POU2F1: variants seen among roughly 807,000 people sequenced by gnomAD.
The protein encoded by POU2F1 is POU domain, class 2, transcription factor 1.
Under a neutral mutation model 84.9 loss-of-function variants are expected in POU2F1, and 16 were observed. That is an observed-to-expected ratio of 0.19 (90% CI 0.13 to 0.29). The LOEUF (loss-of-function observed/expected upper bound fraction) is 0.29, where lower values mean the gene tolerates loss of function less well. Among genes scored for constraint, POU2F1 ranks in the 10% least tolerant of loss-of-function variants. The pLI, the probability that POU2F1 is intolerant of heterozygous loss-of-function variation, is 1.00. For missense variants in POU2F1, 738 were observed against 942.6 expected (o/e 0.78, Z 2.84); for synonymous variants, 368 against 368.3 (o/e 1.00, Z 0.01).
intron 1 of POU2F1, among the ~76,000 whole-genome samples, chr1:167,255,656 A>G (rs1029500948): frequency 6.6e-6 from 1 of 152,294 alleles, no homozygotes; most frequent in South Asian, 2.1e-4. Context: ...AATCCATACA[A>G]GAGCAATTCA....
chr1:167,405,991 GAA>G (rs1184392576), intron 13 of POU2F1, among the ~76,000 whole-genome samples: 1 of 151,946 alleles, frequency 6.6e-6, no homozygotes, highest in Non-Finnish European at 1.5e-5. Flanking sequence ...CATCAAAGAA[GAA>G]ATAACATTTC....
In POU2F1 at chr1:167,396,278, G is replaced by C. The variant is rs1406418905; in HGVS notation, c.988-8G>C. On this transcript the variant is annotated splice_region_variant and splice_polypyrimidine_tract_variant and intron_variant, in intron 9 of 15. Transcript: ENST00000367866. Reference sequence around the variant, plus strand: ...CTCTCCTCTTCTCCTGCTCTGTATTGTGTGTAGGGTGATGTTGGGCTCGCT... The same window carrying C: ...CTCTCCTCTTCTCCTGCTCTGTATTCTGTGTAGGGTGATGTTGGGCTCGCT... The C allele has an allele frequency of 1.9e-6, 3 of 1,613,938 alleles. No homozygotes were observed. In the African/African-American group the frequency reaches 4.0e-5, roughly 22 times the overall value.
intron 2 of POU2F1, among the ~76,000 whole-genome samples, chr1:167,336,374 G>T (rs12723124): frequency 0.015 from 2,221 of 152,282 alleles, 22 homozygotes; most frequent in South Asian, 0.027. Context: ...AGTTCATCCA[G>T]TAAATTGTGT....
intron 3 of POU2F1, among the ~76,000 whole-genome samples, chr1:167,369,609 G>T (rs1659880619): frequency 6.6e-6 from 1 of 152,116 alleles, no homozygotes; most frequent in Non-Finnish European, 1.5e-5. Context: ...ACTTTTATGT[G>T]TGGTTTATAG....
chr1:167,401,016 A>G (rs901441282), intron 12 of POU2F1, among the ~76,000 whole-genome samples: 2 of 152,138 alleles, frequency 1.3e-5, no homozygotes, highest in African/African-American at 4.8e-5. Flanking sequence ...ATTTTTTGTT[A>G]TTTCAAAACT....
chr1:167,259,487 G>A (rs1651388565), intron 1 of POU2F1, among the ~76,000 whole-genome samples: 1 of 152,176 alleles, frequency 6.6e-6, no homozygotes, highest in Non-Finnish European at 1.5e-5. Context: ...CATTTTGACT[G>A]TTTCCAGTTC....
chr1:167,310,841 A>T (rs1655418957), intron 1 of POU2F1, among the ~76,000 whole-genome samples: 1 of 152,218 alleles, frequency 6.6e-6, no homozygotes, highest in South Asian at 2.1e-4. Flanking sequence ...AAATTTTAGA[A>T]CAGACAGCTA....
At chr1:167,252,128 C>T (rs1650777968) in intron 1 of POU2F1, among the ~76,000 whole-genome samples, 1 of 152,012 alleles carries the variant, frequency 6.6e-6, no homozygotes, top group African/African-American at 2.4e-5. Context: ...TCCCAAAGTG[C>T]TAGGATTACA....
chr1:167,376,226 A>G (rs1571398370), intron 7 of POU2F1, 71 bp downstream of exon 7: 11 of 1,470,798 alleles, frequency 7.5e-6, no homozygotes, highest in African/African-American at 4.3e-5. Context: ...TGCATGAACT[A>G]CTATCATTTT....
rs751361924 is a variant in POU2F1, at chr1:167,401,575, A to G, written c.1555+19A>G. 1.3e-6 allele frequency: 2 copies of G among 1,568,112 alleles called. No individual in the cohort carries two copies. The highest frequency in any genetic ancestry group is 1.7e-6 in the Non-Finnish European group (2 of 1,147,244). Reference sequence around the variant, plus strand: ...GTTACAGGTAAGCAGCTGCCAGGCCATGCACCTGCTGAGCACATGGGAGGC... The same window carrying G: ...GTTACAGGTAAGCAGCTGCCAGGCCGTGCACCTGCTGAGCACATGGGAGGC... On this transcript the variant is annotated intron_variant, in intron 13 of 15. Transcript: ENST00000367866.
At chr1:167,278,323 T>A (rs146877615) in intron 1 of POU2F1, among the ~76,000 whole-genome samples, 72 of 152,386 alleles carry the variant, frequency 4.7e-4, no homozygotes, top group African/African-American at 1.6e-3. Context: ...ATAGCATTTA[T>A]CATAATTTGT....
intron 1 of POU2F1, among the ~76,000 whole-genome samples, chr1:167,238,769 A>G (rs1395127347): frequency 6.6e-6 from 1 of 152,236 alleles, no homozygotes; most frequent in Non-Finnish European, 1.5e-5. Context: ...GGCATAGGGT[A>G]GGTTATCAAG....
intron 7 of POU2F1, among the ~76,000 whole-genome samples, chr1:167,383,201 AC>A (rs1489155794): frequency 1.3e-5 from 2 of 152,218 alleles, no homozygotes; most frequent in Non-Finnish European, 2.9e-5. Context: ...ATCCTTAAAT[AC>A]AGACATTCTG....
intron 1 of POU2F1, among the ~76,000 whole-genome samples, chr1:167,258,969 G>A (rs891706342): frequency 8.5e-5 from 13 of 152,148 alleles, no homozygotes; most frequent in South Asian, 4.1e-4. Context: ...CAGATTTTGC[G>A]TACAGGCTGT....
chr1:167,261,963 G>T (rs1303237109), intron 1 of POU2F1, among the ~76,000 whole-genome samples: 1 of 152,150 alleles, frequency 6.6e-6, no homozygotes. Context: ...GGGATTACAG[G>T]CATGAGCCAC....
chr1:167,278,928 A>T (rs947361311), intron 1 of POU2F1, among the ~76,000 whole-genome samples: 3 of 152,142 alleles, frequency 2.0e-5, no homozygotes, highest in African/African-American at 7.2e-5. Context: ...AACACTTTGC[A>T]AATAAAATGA....
chr1:167,396,720 T>G, intron 10 of POU2F1: 1 of 246,866 alleles, frequency 4.1e-6, no homozygotes. Context: ...GTTGAAGGAA[T>G]AGGATAAGTA....
At chr1:167,262,884 T>C (rs966981102) in intron 1 of POU2F1, among the ~76,000 whole-genome samples, 2 of 152,166 alleles carry the variant, frequency 1.3e-5, no homozygotes, top group Non-Finnish European at 2.9e-5. Flanking sequence ...GTAGTTCAAT[T>C]TGGCTAGAAT....
At chr1:167,247,606 G>GT (rs201088385) in intron 1 of POU2F1, among the ~76,000 whole-genome samples, 1,788 of 151,338 alleles carry the variant, frequency 0.012, 33 homozygotes, top group African/African-American at 0.041. Context: ...CCTGTTTATA[G>GT]TTTTTTTTTA....
Sources: allele counts gnomAD v4.1 joint callset (sites outside exome capture counted in the v4.1 genomes callset), GRCh38; gene constraint gnomAD v4.1.1; transcripts MANE v1.5; gene names NCBI Gene and HGNC (gene_info 2026-07-23, HGNC 2026-07-21).